Variants in TCF4 observed in about 807,000 individuals in gnomAD.
TCF4 encodes transcription factor 4.
TCF4 carries 3 observed loss-of-function variants against 82.1 expected under a neutral mutation model. That is an observed-to-expected ratio of 0.04 (90% CI 0.02 to 0.09). TCF4 has a LOEUF of 0.09. TCF4 is among the 10% of genes least tolerant of loss of function. The pLI is 1.00. For missense variants in TCF4, 518 were observed against 852.7 expected (o/e 0.61, Z 4.89); for synonymous variants, 276 against 309.6 (o/e 0.89, Z 1.14).
rs2046045841 is a variant in TCF4 at position 55,222,806 on chromosome 18, T to C, written c.*5229A>G. 1 of 152,642 alleles carries C rather than the reference T, an allele frequency of 6.6e-6. No individual in the cohort carries two copies. The highest frequency in any genetic ancestry group is 6.5e-5 in the Admixed American group (1 of 15,278). The allele number at this position is 152,642 out of a possible 1,614,324, so 9.5% of individuals were successfully genotyped here. A position where few individuals can be genotyped will look rare whatever the true frequency, so the allele number is the denominator to read the frequency against. On this transcript the variant is annotated 3_prime_UTR_variant, in exon 20 of 20. Transcript: ENST00000354452. Reference sequence around the variant, plus strand: ...AGTACATAACACTGAATAATTTTAATCTGTACATTTTTTTCCTTCCATGAT... The same window carrying C: ...AGTACATAACACTGAATAATTTTAACCTGTACATTTTTTTCCTTCCATGAT...
At chr18:55,561,255 A>G (rs1464289100) in intron 3 of TCF4, among the ~76,000 whole-genome samples, 5 of 152,212 alleles carry the variant, frequency 3.3e-5, no homozygotes, top group Admixed American at 6.5e-5. Flanking sequence ...TGCCCTATAC[A>G]TACATGCTTC....
At chr18:55,453,796 T>G (rs1197681731) in intron 5 of TCF4, among the ~76,000 whole-genome samples, 1 of 150,224 alleles carries the variant, frequency 6.7e-6, no homozygotes, top group Non-Finnish European at 1.5e-5. Flanking sequence ...TTCAAATTAT[T>G]TATAATAATA....
intron 6 of TCF4, among the ~76,000 whole-genome samples, chr18:55,371,907 C>T (rs1055318829): frequency 1.3e-5 from 2 of 152,042 alleles, no homozygotes; most frequent in African/African-American, 4.8e-5. Context: ...GCAGATGATG[C>T]AAATTTAGCC....
intron 14 of TCF4, among the ~76,000 whole-genome samples, chr18:55,254,925 C>T (rs1056337171): frequency 2.0e-5 from 3 of 152,104 alleles, no homozygotes; most frequent in Admixed American, 6.5e-5. Flanking sequence ...AAACTAAATT[C>T]AATAATTATT....
intron 6 of TCF4, chr18:55,384,316 G>A (rs1290199520): frequency 1.3e-5 from 2 of 152,228 alleles, no homozygotes; most frequent in African/African-American, 4.8e-5. Flanking sequence ...GGCAGTGGAG[G>A]TGACAAGTGC....
intron 6 of TCF4, among the ~76,000 whole-genome samples, chr18:55,395,972 T>A (rs901743072): frequency 6.6e-6 from 1 of 152,096 alleles, no homozygotes; most frequent in Non-Finnish European, 1.5e-5. Flanking sequence ...CGATGCGATC[T>A]GCCCTCCGCT....
chr18:55,616,593 G>C (rs186535653), intron 2 of TCF4, among the ~76,000 whole-genome samples: 1 of 151,922 alleles, frequency 6.6e-6, no homozygotes, highest in East Asian at 1.9e-4. Flanking sequence ...AGTGCACAAG[G>C]GTTCCAATTT....
At chr18:55,550,139 T>C (rs933435349) in intron 3 of TCF4, 2 of 152,210 alleles carry the variant, frequency 1.3e-5, no homozygotes, top group African/African-American at 4.8e-5. Flanking sequence ...CTAACTTCTC[T>C]TAGACACACA....
At chr18:55,627,814 A>C (rs2097728000) in intron 2 of TCF4, among the ~76,000 whole-genome samples, 1 of 151,894 alleles carries the variant, frequency 6.6e-6, no homozygotes, top group African/African-American at 2.4e-5. Flanking sequence ...TAATCCCAGC[A>C]CTTTGGGAGG....
chr18:55,458,426 C>T (rs1039947148), intron 5 of TCF4, among the ~76,000 whole-genome samples: 4 of 152,326 alleles, frequency 2.6e-5, no homozygotes, highest in African/African-American at 7.2e-5. Flanking sequence ...TGGGTCTGGA[C>T]ACAAAGTGCG....
At chr18:55,464,714 T>C (rs369479474) in intron 3 of TCF4, among the ~76,000 whole-genome samples, 70 of 152,200 alleles carry the variant, frequency 4.6e-4, no homozygotes, top group Middle Eastern at 3.4e-3. Context: ...CAATACTGTC[T>C]CTGTCTTTCC....
At chr18:55,538,735 C>T (rs964927481) in intron 3 of TCF4, among the ~76,000 whole-genome samples, 3 of 152,124 alleles carry the variant, frequency 2.0e-5, no homozygotes, top group Admixed American at 6.6e-5. Flanking sequence ...CTTCAGCAAA[C>T]AGCAAACACA....
intron 3 of TCF4, among the ~76,000 whole-genome samples, chr18:55,483,280 T>C (rs1244164173): frequency 6.6e-6 from 1 of 152,320 alleles, no homozygotes; most frequent in East Asian, 1.9e-4. Flanking sequence ...TATAATGAGT[T>C]TTCATCTTGT....
chr18:55,296,994 T>G (rs1390764468), intron 8 of TCF4, among the ~76,000 whole-genome samples: 1 of 152,226 alleles, frequency 6.6e-6, no homozygotes, highest in East Asian at 1.9e-4. Flanking sequence ...CCAAAACACA[T>G]TTTCTCAGCA....
chr18:55,395,171 T>A (rs916447634), intron 6 of TCF4, among the ~76,000 whole-genome samples: 5 of 152,230 alleles, frequency 3.3e-5, no homozygotes, highest in African/African-American at 4.8e-5. Flanking sequence ...GTATACTGCC[T>A]TTCTTACAGA....
chr18:55,308,125 T>C (rs550981857), intron 8 of TCF4, among the ~76,000 whole-genome samples: 59 of 152,366 alleles, frequency 3.9e-4, no homozygotes, highest in Non-Finnish European at 7.5e-4. Flanking sequence ...TGTAGGTATG[T>C]ACTTACTTAA....
intron 2 of TCF4, among the ~76,000 whole-genome samples, chr18:55,595,465 A>G (rs1470889477): frequency 1.3e-5 from 2 of 152,218 alleles, no homozygotes; most frequent in Non-Finnish European, 2.9e-5. Context: ...TGCGTAGTGC[A>G]TAAGTATTCC....
rs1436271853 is a variant in TCF4 at position 55,403,881 on chromosome 18, C to T, written c.305-363G>A. The T allele has an allele frequency of 3.5e-6, 5 of 1,446,598 alleles. No individual in the cohort carries two copies. In the South Asian group the frequency reaches 7.4e-5, roughly 21 times the overall value. The allele number at this position is 1,446,598 out of a possible 1,614,324, so 89.6% of individuals were successfully genotyped here. A position where few individuals can be genotyped will look rare whatever the true frequency, so the allele number is the denominator to read the frequency against. On this transcript the variant is annotated intron_variant, in intron 5 of 19. Transcript: ENST00000354452. The stretch of plus-strand genomic sequence containing the variant: ...CAGGCAAATTATCTATGTAATGACC[C>T]TAGCCTAGTAATTCCCATTGATTAT...
At chr18:55,506,620 CATTT>C (rs2096763330) in intron 3 of TCF4, among the ~76,000 whole-genome samples, 1 of 152,078 alleles carries the variant, frequency 6.6e-6, no homozygotes, top group African/African-American at 2.4e-5. Flanking sequence ...AGCATGCATT[CATTT>C]ATTTAAACAT....
Sources: allele counts gnomAD v4.1 joint callset (sites outside exome capture counted in the v4.1 genomes callset), GRCh38; gene constraint gnomAD v4.1.1; transcripts MANE v1.5; gene names NCBI Gene and HGNC (gene_info 2026-07-23, HGNC 2026-07-21).